Variants in CHSY3 observed in about 807,000 individuals in gnomAD.
The protein encoded by CHSY3 is N-acetylgalactosaminyl-proteoglycan 3-beta-glucuronosyltransferase 3.
Under a neutral mutation model 67.2 loss-of-function variants are expected in CHSY3, and 35 were observed. The observed-to-expected ratio is 0.52, with a 90% CI of 0.40 to 0.69. The LOEUF (loss-of-function observed/expected upper bound fraction) is 0.69. Among genes scored for constraint, CHSY3 ranks in the 30% least tolerant of loss-of-function variants. CHSY3 has a pLI of 0.00. For missense variants in CHSY3, 1,069 were observed against 1,138.5 expected (o/e 0.94, Z 0.88); for synonymous variants, 474 against 434.7 (o/e 1.09, Z -1.12).
At chr5:129,949,719 C>A (rs556694204) in intron 2 of CHSY3, among the ~76,000 whole-genome samples, 2 of 152,102 alleles carry the variant, frequency 1.3e-5, no homozygotes, top group Non-Finnish European at 2.9e-5. Context: ...CCCAACAAAA[C>A]CAGAGTAAAC....
At chr5:130,117,068 G>A (rs922534700) in intron 2 of CHSY3, among the ~76,000 whole-genome samples, 2 of 152,154 alleles carry the variant, frequency 1.3e-5, no homozygotes, top group African/African-American at 4.8e-5. Flanking sequence ...TTGTCACCCA[G>A]GTGAAGTTGG....
chr5:130,030,695 A>C lies in CHSY3; in HGVS notation c.1086+122335A>C, dbSNP rs139362428. Among the ~76,000 whole-genome samples the C allele has an allele frequency of 3.4e-3, 522 of 152,210 alleles. 3 individuals carry two copies. The highest frequency in any genetic ancestry group is 0.021 in the East Asian group (108 of 5,162). On this transcript the variant is annotated intron_variant, in intron 2 of 2. Coordinates refer to ENST00000305031, the MANE Select transcript of CHSY3 (RefSeq NM_175856.5). ...CCATTTTTGGAATACTAGTAAAACTATTATCTGAGACCTAATCCCACAGAG... is the reference window on the plus strand; with the variant it reads ...CCATTTTTGGAATACTAGTAAAACTCTTATCTGAGACCTAATCCCACAGAG...
chr5:129,922,349 C>A (rs571268536), intron 2 of CHSY3, among the ~76,000 whole-genome samples: 1 of 152,202 alleles, frequency 6.6e-6, no homozygotes, highest in Non-Finnish European at 1.5e-5. Flanking sequence ...TGGATATATA[C>A]CCCAAAGTGA....
chr5:130,103,361 T>A (rs1767309012), intron 2 of CHSY3, among the ~76,000 whole-genome samples: 1 of 152,112 alleles, frequency 6.6e-6, no homozygotes, highest in African/African-American at 2.4e-5. Context: ...ATAATTGAGT[T>A]ATTTACTTCT....
intron 2 of CHSY3, among the ~76,000 whole-genome samples, chr5:130,083,801 G>GT (rs889685293): frequency 1.3e-5 from 2 of 150,772 alleles, no homozygotes; most frequent in South Asian, 2.1e-4. Context: ...GCTGGTTTTT[G>GT]TTTTTTTTCT....
At chr5:129,989,262 C>CTTTT (rs10632773) in intron 2 of CHSY3, among the ~76,000 whole-genome samples, 171 of 138,276 alleles carry the variant, frequency 1.2e-3, no homozygotes, top group East Asian at 2.8e-3. Flanking sequence ...CAAACTTGTT[C>CTTTT]TTTTTTTTTT....
intron 2 of CHSY3, among the ~76,000 whole-genome samples, chr5:130,041,673 T>C (rs1002063012): frequency 9.2e-5 from 14 of 152,070 alleles, no homozygotes; most frequent in African/African-American, 2.7e-4. Flanking sequence ...TAAAATACTA[T>C]AAAATGTTCA....
chr5:130,149,908 A>G (rs1769183811), intron 2 of CHSY3, among the ~76,000 whole-genome samples: 2 of 152,200 alleles, frequency 1.3e-5, no homozygotes, highest in Admixed American at 6.5e-5. Flanking sequence ...AATGATGTTT[A>G]TAAGCTATTT....
chr5:129,942,768 A>C (rs1187496276), intron 2 of CHSY3, among the ~76,000 whole-genome samples: 1 of 152,194 alleles, frequency 6.6e-6, no homozygotes, highest in Non-Finnish European at 1.5e-5. Context: ...TTGAATGTTT[A>C]AAACTATGTT....
intron 2 of CHSY3, among the ~76,000 whole-genome samples, chr5:130,098,386 A>G (rs549847466): frequency 6.6e-6 from 1 of 152,278 alleles, no homozygotes; most frequent in South Asian, 2.1e-4. Context: ...TAATCTGTCT[A>G]GTTGGGTGTT....
chr5:130,040,757 C>G (rs1226699791), intron 2 of CHSY3, among the ~76,000 whole-genome samples: 2 of 152,068 alleles, frequency 1.3e-5, no homozygotes, highest in Non-Finnish European at 2.9e-5. Flanking sequence ...TGCAGCCTAT[C>G]TATATTGACA....
intron 2 of CHSY3, among the ~76,000 whole-genome samples, chr5:130,014,985 A>G (rs1192357720): frequency 6.6e-6 from 1 of 152,196 alleles, no homozygotes; most frequent in Non-Finnish European, 1.5e-5. Context: ...TATCTATAAT[A>G]TATAAGGAAC....
intron 2 of CHSY3, among the ~76,000 whole-genome samples, chr5:130,144,944 A>G (rs1478136385): frequency 6.6e-5 from 10 of 152,186 alleles, no homozygotes; most frequent in Admixed American, 6.5e-4. Context: ...CAGGAAACTT[A>G]CAATCATGGT....
At chr5:129,964,664 G>T (rs1050788884) in intron 2 of CHSY3, among the ~76,000 whole-genome samples, 2 of 151,832 alleles carry the variant, frequency 1.3e-5, no homozygotes, top group African/African-American at 4.8e-5. Flanking sequence ...TTTTCCCCCT[G>T]TGTATATAGC....
rs540044970 is a variant in CHSY3 at position 130,178,955 on chromosome 5, T to C, written c.1087-5274T>C. On this transcript the variant is annotated intron_variant, in intron 2 of 2. Transcript: ENST00000305031. ...TTAAGTTTATTCTTGGTTTTGCCCA[T>C]TGCAAGTCTACAATTCAGTTTTCTA... Among the ~76,000 whole-genome samples, 15 of 152,342 alleles carry C rather than the reference T, an allele frequency of 9.8e-5. No homozygotes were observed. The East Asian group carries it at 2.7e-3, about 27-fold the overall frequency.
chr5:130,020,263 CA>C (rs901621868), intron 2 of CHSY3, among the ~76,000 whole-genome samples: 3 of 150,272 alleles, frequency 2.0e-5, no homozygotes, highest in African/African-American at 4.9e-5. Context: ...ACTAAAAATA[CA>C]AAAAAAATTA....
At chr5:129,918,111 A>G (rs1170923774) in intron 2 of CHSY3, among the ~76,000 whole-genome samples, 1 of 152,170 alleles carries the variant, frequency 6.6e-6, no homozygotes, top group Non-Finnish European at 1.5e-5. Context: ...AGAACTAATC[A>G]TTGGACTTTA....
intron 2 of CHSY3, among the ~76,000 whole-genome samples, chr5:130,043,873 C>T (rs895321189): frequency 3.3e-5 from 5 of 152,000 alleles, no homozygotes; most frequent in African/African-American, 4.8e-5. Context: ...TTCTAGATTC[C>T]AGATCAGATT....
At chr5:130,098,697 C>T (rs976213226) in intron 2 of CHSY3, among the ~76,000 whole-genome samples, 5 of 152,036 alleles carry the variant, frequency 3.3e-5, no homozygotes, top group Non-Finnish European at 7.4e-5. Flanking sequence ...ATCTATAGAC[C>T]CAGTTTCCTA....
Sources: gnomAD v4.1 joint callset for allele counts (sites outside exome capture counted in the v4.1 genomes callset) on GRCh38, gnomAD v4.1.1 for gene constraint, MANE v1.5 for transcripts, NCBI Gene and HGNC (gene_info 2026-07-23, HGNC 2026-07-21) for gene names.